The following SSC5D variants were observed in gnomAD, a reference collection of about 807,000 sequenced individuals.
SSC5D encodes scavenger receptor cysteine rich family member with 5 domains.
In SSC5D, 106 loss-of-function variants were observed where a neutral mutation model predicts 104.6. The observed-to-expected ratio is 1.01, with a 90% CI of 0.87 to 1.19. The LOEUF (loss-of-function observed/expected upper bound fraction) is 1.19. SSC5D is among the 50% of genes most tolerant of loss of function. SSC5D has a pLI of 0.00. For missense variants in SSC5D, 1,993 were observed against 2,153.8 expected (o/e 0.93, Z 1.48); for synonymous variants, 860 against 883.5 (o/e 0.97, Z 0.47).
In SSC5D at chr19:55,515,392, G is replaced by A. The variant is rs1399341443; in HGVS notation, c.2948-1832G>A. Among the ~76,000 whole-genome samples, 10 of 61,458 alleles carry A rather than the reference G, an allele frequency of 1.6e-4. No individual in the cohort carries two copies. In the Admixed American group the frequency reaches 1.9e-3, roughly 11 times the overall value. 40.3% of individuals were successfully genotyped at this position (61,458 alleles called of 152,430 possible). A position where few individuals can be genotyped will look rare whatever the true frequency, so the allele number is the denominator to read the frequency against. On this transcript the variant is annotated intron_variant, in intron 13 of 13. Transcript: ENST00000389623. ...GCCTGGGCAACAGGAGTGAAACTCCGTCTCAAAAAAAAAAAAAAAAAAAAA... is the reference window on the plus strand; with the variant it reads ...GCCTGGGCAACAGGAGTGAAACTCCATCTCAAAAAAAAAAAAAAAAAAAAA...
In SSC5D at chr19:55,493,807, G is replaced by A. The variant is rs1447975876; in HGVS notation, c.1108G>A (p.Asp370Asn). The change falls in exon 7 of 14, where the codon GAC becomes AAC. Residue 370 changes from aspartate to asparagine, a missense_variant. Around this residue, in one of 6 missense-constraint regions of SSC5D, gnomAD observed 1,101 missense variants for 1,085.0 expected, o/e 1.01. Coordinates refer to ENST00000389623, the MANE Select transcript of SSC5D (RefSeq NM_001144950.2). ...GGGGTCTGGACCCATCATCCTGGAC[G>A]ACCTTCGGTGTCGGGGAAACGAGAC... The part of the protein sequence containing the change: ...GEGSGPIILD[D>N]LRCRGNETAL... The A allele has an allele frequency of 9.7e-6, 15 of 1,549,038 alleles. No individual in the cohort carries two copies. The African/African-American group carries it at 1.2e-4, about 13-fold the overall frequency.
intron 4 of SSC5D, 89 bp downstream of exon 4, chr19:55,490,084 C>G (rs532360320): frequency 2.0e-5 from 12 of 586,868 alleles, no homozygotes; most frequent in Non-Finnish European, 3.0e-5. Flanking sequence ...CCAACCCCCA[C>G]CCAGCGTGCC....
At chr19:55,498,770 G>A (rs1054611653) in intron 9 of SSC5D, among the ~76,000 whole-genome samples, 4 of 152,184 alleles carry the variant, frequency 2.6e-5, no homozygotes, top group East Asian at 1.9e-4. Flanking sequence ...TGTGTGACTC[G>A]TTATAGTTTG....
rs1197112418 is a variant in SSC5D at position 55,503,491 on chromosome 19, C to A, written c.2785+2290C>A. On this transcript the variant is annotated intron_variant, in intron 12 of 13. Coordinates refer to ENST00000389623, the MANE Select transcript of SSC5D (RefSeq NM_001144950.2). The surrounding 1 kb of genome is among the most constrained non-coding windows in gnomAD (Gnocchi z 4.0). ...CGCGTGCTCTCTTCTCTCTCCCCCT[C>A]GTTTCTCTCATGGTCAGCCCCCTTC... 6.6e-6 allele frequency among the ~76,000 whole-genome samples: 1 copy of A among 152,062 alleles called. No individual in the cohort carries two copies. The highest frequency in any genetic ancestry group is 1.5e-5 in the Non-Finnish European group (1 of 68,014).
chr19:55,490,527 G>A, intron 5 of SSC5D, 119 bp downstream of exon 5: 1 of 607,298 alleles, frequency 1.6e-6, no homozygotes, highest in East Asian at 3.0e-5. Context: ...GGATCCCAGT[G>A]TTCCCCGCGT....
At chr19:55,490,202 C>A in intron 4 of SSC5D, 96 bp from the exon 5 acceptor site, 1 of 627,538 alleles carries the variant, frequency 1.6e-6, no homozygotes. Flanking sequence ...GGGAGTCCTC[C>A]ATCACTTCAG....
chr19:55,517,374 A>G lies in SSC5D; in HGVS notation c.3098A>G (p.His1033Arg), dbSNP rs1357866907. 1.3e-6 allele frequency: 2 copies of G among 1,549,668 alleles called. No homozygotes were observed. The highest frequency in any genetic ancestry group is 2.5e-5 in the East Asian group (1 of 40,816). ...GACTCCAGTCGAGAGCTCACTCCCC[A>G]CTCAGCCTTGACGTCCGAGGCGACC... Reference protein sequence around the residue: ...TSDSSRELTPHSALTSEATSD... With the variant: ...TSDSSRELTPRSALTSEATSD... Residue 1033 changes from histidine (H) to arginine (R), a missense_variant, in exon 14 of 14, where the codon CAC (histidine) becomes CGC (arginine). This residue lies in a region of SSC5D where 423 missense variants were observed against 409.2 expected (regional missense o/e 1.03). Coordinates refer to ENST00000389623, the MANE Select transcript of SSC5D (RefSeq NM_001144950.2).
chr19:55,503,341 C>T lies in SSC5D; in HGVS notation c.2785+2140C>T, dbSNP rs992641464. Among the ~76,000 whole-genome samples, 1 of 152,190 alleles carries T rather than the reference C, an allele frequency of 6.6e-6. No homozygotes were observed. The highest frequency in any genetic ancestry group is 1.5e-5 in the Non-Finnish European group (1 of 68,036). On this transcript the variant is annotated intron_variant, in intron 12 of 13. Transcript: ENST00000389623. This position sits in a 1 kb window ranked among gnomAD's most constrained non-coding sequence, Gnocchi z 4.0. The stretch of plus-strand genomic sequence containing the variant: ...CACGGTCGGTTTTGCTATATCACCT[C>T]ATACTCTCATCGTCTCCATTTCTCA...
At position 55,489,646 on chromosome 19, in the gene SSC5D, G is replaced by C; in HGVS notation, c.345G>C (p.Ala115=). ...ACATCTGCTCCCACGAGGAGGACGC[G>C]GGCGTCGTCTGCGCAGGTGAGGACA... ...KAHICSHEED[A]GVVCAGQRVA... is the part of the protein sequence containing the mutation. Residue 115 remains alanine (A), a synonymous_variant, in exon 3 of 14, where the codon GCG becomes GCC. Coordinates refer to ENST00000389623, the MANE Select transcript of SSC5D (RefSeq NM_001144950.2). The C allele has an allele frequency of 6.5e-7, 1 of 1,533,188 alleles. No individual in the cohort carries two copies. 95.0% of individuals were successfully genotyped at this position (1,533,188 alleles called of 1,614,324 possible).
In SSC5D at chr19:55,517,497, C is replaced by G; in HGVS notation, c.3221C>G (p.Pro1074Arg). 1.9e-6 allele frequency: 3 copies of G among 1,551,452 alleles called. No individual in the cohort carries two copies. Among genetic ancestry groups the G allele is most frequent in the Non-Finnish European group, 2.6e-6 (3 of 1,147,008 alleles). ...LTSPDFALST[P>R]DSSVVPALTP... ...AGCCCTGACTTTGCTTTGTCCACCCCTGACTCCAGTGTGGTTCCCGCGTTG... is the reference window on the plus strand; with the variant it reads ...AGCCCTGACTTTGCTTTGTCCACCCGTGACTCCAGTGTGGTTCCCGCGTTG... The change falls in exon 14 of 14, where the codon CCT (proline) becomes CGT (arginine). Residue 1074 changes from proline (P) to arginine (R), a missense_variant. Pro to Arg is a moderately radical substitution (Grantham distance 103). Around this residue, in one of 6 missense-constraint regions of SSC5D, gnomAD observed 423 missense variants for 409.2 expected, o/e 1.03. Transcript: ENST00000389623.
Position 55,500,078 on chromosome 19 carries a change from C to A in SSC5D, c.1968C>A (p.Ser656Arg), listed in dbSNP as rs149858998. The A allele has an allele frequency of 2.6e-6, 4 of 1,551,524 alleles. No homozygotes were observed. The highest frequency in any genetic ancestry group is 3.9e-5 in the Admixed American group (2 of 50,988). Reference protein sequence around the residue: ...MPTTKHSRAQSPPDLTSQTTA... With the variant: ...MPTTKHSRAQRPPDLTSQTTA... ...CCACGAAACACTCCAGGGCCCAAAG[C>A]CCCCCAGACCTAACCTCACAGACCA... is the stretch of plus-strand genomic sequence containing the variant. Residue 656 changes from serine to arginine, a missense_variant, in exon 10 of 14, where the codon AGC (serine) becomes AGA (arginine). Physicochemically the swap from Ser to Arg is moderately radical, Grantham distance 110. Around this residue, in one of 6 missense-constraint regions of SSC5D, gnomAD observed 1,101 missense variants for 1,085.0 expected, o/e 1.01. Coordinates refer to ENST00000389623, the MANE Select transcript of SSC5D (RefSeq NM_001144950.2). The surrounding 1 kb of genome is among the most constrained non-coding windows in gnomAD (Gnocchi z 4.6).
chr19:55,517,727 C>A lies in SSC5D; in HGVS notation c.3451C>A (p.Pro1151Thr). ...CCCAGACCCCTCCCCAAGCCCTCAC[C>A]CCACTACTACCCCTGATCCCACCAT... ...RSPDPSPSPHPTTTPDPTMAP... is the reference protein window; with the variant it reads ...RSPDPSPSPHTTTTPDPTMAP... Residue 1151 changes from proline to threonine, a missense_variant, in exon 14 of 14, where the codon CCC becomes ACC. Pro to Thr is a conservative substitution (Grantham distance 38, BLOSUM62 -1). Transcript: ENST00000389623. The A allele has an allele frequency of 6.4e-7, 1 of 1,550,444 alleles. No individual in the cohort carries two copies. The highest frequency in any genetic ancestry group is 8.7e-7 in the Non-Finnish European group (1 of 1,146,494).
At chr19:55,501,240 T>A (rs756418490) in intron 12 of SSC5D, 39 bp downstream of exon 12, 14 of 1,471,504 alleles carry the variant, frequency 9.5e-6, no homozygotes, top group African/African-American at 1.4e-5. Flanking sequence ...AGGGCCTCCA[T>A]AAACCTCCAT....
Position 55,499,947 on chromosome 19 carries a change from C to T in SSC5D, c.1837C>T (p.Leu613=). ...KPSASVTASV[L]EKTTTKAPGK... ...CTCTGCAAGTGTGACTGCCAGTGTT[C>T]TGGAGAAAACAACCACGAAGGCCCC... The change falls in exon 10 of 14, where the codon CTG becomes TTG. Residue 613 remains leucine (L), a synonymous_variant. Coordinates refer to ENST00000389623, the MANE Select transcript of SSC5D (RefSeq NM_001144950.2). The T allele has an allele frequency of 6.4e-7, 1 of 1,551,896 alleles. No individual in the cohort carries two copies. Among genetic ancestry groups the T allele is most frequent in the South Asian group, 1.2e-5 (1 of 84,054 alleles).
At chr19:55,502,521 A>G (rs1987532683) in intron 12 of SSC5D, among the ~76,000 whole-genome samples, 1 of 150,814 alleles carries the variant, frequency 6.6e-6, no homozygotes, top group African/African-American at 2.4e-5. Flanking sequence ...TTTCATTATC[A>G]GTCTCACACT....
chr19:55,510,922 G>A (rs1054407244), intron 12 of SSC5D, among the ~76,000 whole-genome samples: 5 of 152,032 alleles, frequency 3.3e-5, no homozygotes, highest in Non-Finnish European at 7.4e-5. Flanking sequence ...GGGATTACAG[G>A]TGCCCGCCAC....
intron 2 of SSC5D, 132 bp downstream of exon 2, chr19:55,489,164 C>T (rs911647278): frequency 3.1e-5 from 30 of 971,342 alleles, no homozygotes; most frequent in South Asian, 3.9e-5. Flanking sequence ...GCCCCAGCTC[C>T]GCAAGGGAAT....
At position 55,517,358 on chromosome 19, in the gene SSC5D, C is replaced by T. The variant is rs750780205; in HGVS notation, c.3082C>T (p.Arg1028Ter). ...PGPALTSDSSRELTPHSALTS... is the reference protein window; with the variant it reads ...PGPALTSDSS ...CCCAGCGCTGACCTCTGACTCCAGT[C>T]GAGAGCTCACTCCCCACTCAGCCTT... Residue 1028 changes from arginine to a stop codon, truncating the protein, a stop_gained, in exon 14 of 14, where the codon CGA (arginine) becomes TGA (stop). Coordinates refer to ENST00000389623, the MANE Select transcript of SSC5D (RefSeq NM_001144950.2). LOFTEE classifies it low-confidence loss of function (END_TRUNC). 1.6e-5 allele frequency: 25 copies of T among 1,550,318 alleles called. No homozygotes were observed. The highest frequency in any genetic ancestry group is 2.1e-5 in the Non-Finnish European group (24 of 1,146,908).
At chr19:55,504,081 C>CCAGCTGTGAGTTT in intron 12 of SSC5D, 1 of 1,528,176 alleles carries the variant, frequency 6.5e-7, no homozygotes, top group South Asian at 1.2e-5. Flanking sequence ...TGGGTGGGCT[C>CCAGCTGTGAGTTT]CAGCTGTGAG....
Sources: allele counts gnomAD v4.1 joint callset (sites outside exome capture counted in the v4.1 genomes callset), GRCh38; gene constraint gnomAD v4.1.1; regional missense constraint gnomAD v4.1.1; non-coding constraint Gnocchi (gnomAD v3.1); transcripts MANE v1.5; gene names NCBI Gene and HGNC (gene_info 2026-07-23, HGNC 2026-07-21).